The following PCP4L1 variants were observed in gnomAD, a reference collection of about 807,000 sequenced individuals.
The protein encoded by PCP4L1 is Purkinje cell protein 4-like protein 1.
A neutral mutation model predicts 9.6 loss-of-function variants in PCP4L1; 9 were observed. That is an observed-to-expected ratio of 0.94 (90% confidence interval 0.57 to 1.64). The LOEUF is 1.64. Among genes scored for constraint, PCP4L1 ranks in the 40% most tolerant of loss-of-function variants. PCP4L1 has a pLI of 0.00. For missense variants in PCP4L1, 81 were observed against 80.8 expected (o/e 1.00, Z -0.01); for synonymous variants, 31 against 28.2 (o/e 1.10, Z -0.31).
chr1:161,270,201 G>A (rs1228029215), intron 1 of PCP4L1, among the ~76,000 whole-genome samples: 1 of 151,948 alleles, frequency 6.6e-6, no homozygotes, highest in Non-Finnish European at 1.5e-5. Flanking sequence ...GGAGGCTGAG[G>A]CAGGAGAATT....
intron 1 of PCP4L1, among the ~76,000 whole-genome samples, chr1:161,277,964 A>C (rs78051916): frequency 0.022 from 3,333 of 152,284 alleles, 189 homozygotes; most frequent in East Asian, 0.22. Flanking sequence ...TATATTGTAG[A>C]TAAACTGTCT....
intron 1 of PCP4L1, among the ~76,000 whole-genome samples, chr1:161,270,917 C>A (rs993334638): frequency 2.0e-5 from 3 of 151,888 alleles, no homozygotes; most frequent in African/African-American, 7.2e-5. Flanking sequence ...TCCCTCTCCC[C>A]TTCTACCATG....
intron 1 of PCP4L1, among the ~76,000 whole-genome samples, chr1:161,272,715 A>G (rs2102236627): frequency 6.6e-6 from 1 of 152,036 alleles, no homozygotes; most frequent in South Asian, 2.1e-4. Flanking sequence ...AAATATATTT[A>G]TTTATCCTAA....
At chr1:161,272,095 C>G (rs148134487) in intron 1 of PCP4L1, among the ~76,000 whole-genome samples, 1 of 151,540 alleles carries the variant, frequency 6.6e-6, no homozygotes, top group Non-Finnish European at 1.5e-5. Flanking sequence ...TGTGAGCCAC[C>G]GTGCCCTGCC....
Position 161,258,774 on chromosome 1 carries a change from G to A in PCP4L1, c.-201G>A. The A allele has an allele frequency of 1.3e-6, 1 of 796,296 alleles. No individual in the cohort carries two copies. The highest frequency in any genetic ancestry group is 2.0e-6 in the Non-Finnish European group (1 of 499,862). 49.3% of individuals were successfully genotyped at this position (796,296 alleles called of 1,614,324 possible). A position where few individuals can be genotyped will look rare whatever the true frequency, so the allele number is the denominator to read the frequency against. On this transcript the variant is annotated 5_prime_UTR_variant, in exon 1 of 3. Coordinates refer to ENST00000504449, the MANE Select transcript of PCP4L1 (RefSeq NM_001102566.2). The stretch of plus-strand genomic sequence containing the variant: ...GGCTCTGACAGGACGGGTCGCAGGG[G>A]GTCGCCTGGCCGGAGCTGGGCTCCG...
At chr1:161,281,814 ACATCCCG>A in intron 1 of PCP4L1, among the ~76,000 whole-genome samples, 1 of 47,882 alleles carries the variant, frequency 2.1e-5, no homozygotes, top group Non-Finnish European at 3.6e-5. Context: ...GGCGCTCCTC[ACATCCCG>A]GACGGGGCGG....
chr1:161,266,853 A>G (rs1442193807), intron 1 of PCP4L1, among the ~76,000 whole-genome samples: 1 of 152,196 alleles, frequency 6.6e-6, no homozygotes. Flanking sequence ...AAATGGTTCC[A>G]ACGGTGCTCC....
chr1:161,270,778 G>A (rs1050249598), intron 1 of PCP4L1, among the ~76,000 whole-genome samples: 2 of 151,670 alleles, frequency 1.3e-5, no homozygotes, highest in African/African-American at 4.8e-5. Flanking sequence ...GGGTAGCTGA[G>A]GCAGGAGAAT....
intron 1 of PCP4L1, among the ~76,000 whole-genome samples, chr1:161,261,622 G>A (rs1439186060): frequency 6.6e-6 from 1 of 152,198 alleles, no homozygotes; most frequent in Non-Finnish European, 1.5e-5. Context: ...CAGTGTAGCT[G>A]GCTGCTTAAA....
chr1:161,264,412 G>A (rs1571791137), intron 1 of PCP4L1, among the ~76,000 whole-genome samples: 1 of 152,234 alleles, frequency 6.6e-6, no homozygotes, highest in South Asian at 2.1e-4. Context: ...AGCTACTCGG[G>A]AGGCTGAGCC....
At chr1:161,282,674 T>TA (rs994472178) in intron 1 of PCP4L1, among the ~76,000 whole-genome samples, 4 of 152,154 alleles carry the variant, frequency 2.6e-5, no homozygotes, top group Admixed American at 6.5e-5. Flanking sequence ...TCAAATTTGT[T>TA]AAAAAATAAG....
At chr1:161,259,435 A>G (rs1428906637) in intron 1 of PCP4L1, among the ~76,000 whole-genome samples, 1 of 152,156 alleles carries the variant, frequency 6.6e-6, no homozygotes, top group Non-Finnish European at 1.5e-5. Flanking sequence ...GGGGAGGGCC[A>G]CTGTGCCCCT....
intron 1 of PCP4L1, among the ~76,000 whole-genome samples, chr1:161,279,563 G>A (rs577394516): frequency 6.6e-6 from 1 of 152,298 alleles, no homozygotes; most frequent in South Asian, 2.1e-4. Flanking sequence ...CTTACGTCTG[G>A]CAGTCATTCA....
chr1:161,269,066 AT>A (rs67832678), intron 1 of PCP4L1, among the ~76,000 whole-genome samples: 66,616 of 151,722 alleles, frequency 0.44, 14,692 homozygotes, highest in Admixed American at 0.5. Context: ...ATTTTATTTT[AT>A]TTTTTTTCTT....
In PCP4L1 at chr1:161,270,251, C is replaced by T. The variant is rs192773700; in HGVS notation, c.9+11268C>T. Among the ~76,000 whole-genome samples, 246 of 151,774 alleles carry T rather than the reference C, an allele frequency of 1.6e-3. 1 individual carries two copies. Among genetic ancestry groups the T allele is most frequent in the Middle Eastern group, 3.4e-3 (1 of 294 alleles). On this transcript the variant is annotated intron_variant, in intron 1 of 2. Transcript: ENST00000504449. ...GTCAGAGGCTGCAGTGAGCTGAGAT[C>T]ATGCCACTGTACTCCAGCCTGGGCA...
At chr1:161,283,846 C>G (rs1246683165) in intron 2 of PCP4L1, 124 bp downstream of exon 2, 4 of 989,638 alleles carry the variant, frequency 4.0e-6, no homozygotes, top group Non-Finnish European at 6.1e-6. Flanking sequence ...ATAAGTGAAA[C>G]AAAGTACCAG....
intron 2 of PCP4L1, among the ~76,000 whole-genome samples, chr1:161,284,129 G>A (rs1388099727): frequency 6.6e-6 from 1 of 152,188 alleles, no homozygotes; most frequent in East Asian, 1.9e-4. Flanking sequence ...GAGTAGCAGA[G>A]CTCCCCTAAG....
intron 1 of PCP4L1, among the ~76,000 whole-genome samples, chr1:161,273,705 T>G (rs1211852010): frequency 6.6e-6 from 1 of 152,152 alleles, no homozygotes; most frequent in African/African-American, 2.4e-5. Context: ...AACATTAAGA[T>G]GAAAACCAGA....
intron 1 of PCP4L1, among the ~76,000 whole-genome samples, chr1:161,277,679 G>T (rs116769960): frequency 0.012 from 1,854 of 152,036 alleles, 20 homozygotes; most frequent in Non-Finnish European, 0.017. Flanking sequence ...ACATCTTTAG[G>T]GTCTAGTTGT....
Sources: allele counts gnomAD v4.1 joint callset (sites outside exome capture counted in the v4.1 genomes callset), GRCh38; gene constraint gnomAD v4.1.1; transcripts MANE v1.5; gene names NCBI Gene and HGNC (gene_info 2026-07-23, HGNC 2026-07-21).